Variants in YIPF5 observed in about 807,000 individuals in gnomAD.
YIPF5 encodes Yip1 domain family member 5, also known as protein YIPF5.
Under a neutral mutation model 30.4 loss-of-function variants are expected in YIPF5, and 8 were observed. The ratio of observed to expected loss-of-function variants is 0.26; its 90% CI spans 0.15 to 0.47. The LOEUF is 0.47. Ranked by LOEUF, YIPF5 falls within the 20% of genes least tolerant of loss-of-function variation. YIPF5 has a pLI of 0.99. For synonymous variants in YIPF5, 104 were observed against 107.9 expected (o/e 0.96, Z 0.23); for missense variants, 282 against 301.8 (o/e 0.93, Z 0.49).
intron 4 of YIPF5, among the ~76,000 whole-genome samples, chr5:144,162,929 C>T (rs1319531404): frequency 6.6e-6 from 1 of 152,056 alleles, no homozygotes; most frequent in Admixed American, 6.5e-5. Context: ...AACAGGAAGC[C>T]AGGGTTCTGT....
chr5:144,164,574 C>CTT (rs11327407), intron 3 of YIPF5, among the ~76,000 whole-genome samples: 21 of 144,108 alleles, frequency 1.5e-4, no homozygotes, highest in African/African-American at 5.3e-4. Context: ...TTCTTTCTTT[C>CTT]TTTTTTTTTT....
intron 2 of YIPF5, 50 bp downstream of exon 2, chr5:144,169,796 T>C (rs189475583): frequency 1.1e-5 from 16 of 1,442,190 alleles, no homozygotes; most frequent in Admixed American, 6.9e-5. Context: ...TCTAAATATG[T>C]GTTTTCACTG....
chr5:144,170,088 T>C, intron 1 of YIPF5, 123 bp from the exon 2 acceptor site: 3 of 708,940 alleles, frequency 4.2e-6, no homozygotes, highest in Non-Finnish European at 4.8e-6. Context: ...GGAGAGGGGA[T>C]GGGGGCGGAA....
At position 144,160,102 on chromosome 5, in the gene YIPF5, C is replaced by T. The variant is rs1751991756; in HGVS notation, c.*295G>A. 1 of 1,055,380 alleles carries T rather than the reference C, an allele frequency of 9.5e-7. No individual in the cohort carries two copies. Among genetic ancestry groups the T allele is most frequent in the Non-Finnish European group, 1.1e-6 (1 of 876,416 alleles). The allele number at this position is 1,055,380 out of a possible 1,614,324, so 65.4% of individuals were successfully genotyped here. On this transcript the variant is annotated 3_prime_UTR_variant, in exon 6 of 6. Coordinates refer to ENST00000274496, the MANE Select transcript of YIPF5 (RefSeq NM_030799.9). Reference sequence around the variant, plus strand: ...ACAGTTGATAAAAATCTATCAAAAACATTATAATTTGCAAGGAAAAAGGTT... The same window carrying T: ...ACAGTTGATAAAAATCTATCAAAAATATTATAATTTGCAAGGAAAAAGGTT...
intron 1 of YIPF5, chr5:144,170,281 C>T (rs1312768990): frequency 7.2e-6 from 2 of 276,026 alleles, no homozygotes; most frequent in Non-Finnish European, 1.4e-5. Flanking sequence ...GATGATTTTT[C>T]ACCTTAGGAC....
In YIPF5 at chr5:144,160,118, GA is replaced by G; in HGVS notation, c.*278del. 1.8e-6 allele frequency: 2 copies of G among 1,112,320 alleles called. No homozygotes were observed. The highest frequency in any genetic ancestry group is 4.9e-5 in the Admixed American group (1 of 20,562). 68.9% of individuals were successfully genotyped at this position (1,112,320 alleles called of 1,614,324 possible). A position where few individuals can be genotyped will look rare whatever the true frequency, so the allele number is the denominator to read the frequency against. ...TATCAAAAACATTATAATTTGCAAG[GA>G]AAAAGGTTTTTCAATGGCTGCAGGA... On this transcript the variant is annotated 3_prime_UTR_variant, in exon 6 of 6. Transcript: ENST00000274496.
chr5:144,165,661 A>C, intron 2 of YIPF5, 57 bp from the exon 3 acceptor site: 1 of 1,516,898 alleles, frequency 6.6e-7, no homozygotes, highest in Non-Finnish European at 8.9e-7. Context: ...TACAGTTAAT[A>C]TCCCTTAAAT....
At chr5:144,169,771 G>A (rs1270016268) in intron 2 of YIPF5, 75 bp downstream of exon 2, 1 of 1,255,384 alleles carries the variant, frequency 8.0e-7, no homozygotes, top group Non-Finnish European at 1.2e-6. Flanking sequence ...TATTGTTTTA[G>A]GCAGAACCAA....
At position 144,160,364 on chromosome 5, in the gene YIPF5, T is replaced by C. The variant is rs1459271187; in HGVS notation, c.*33A>G. The C allele has an allele frequency of 1.3e-6, 2 of 1,596,688 alleles. No individual in the cohort carries two copies. Among genetic ancestry groups the C allele is most frequent in the Non-Finnish European group, 8.6e-7 (1 of 1,169,078 alleles). Reference sequence around the variant, plus strand: ...GAGTTCAAGGTCCTTTTTGTACATCTGGCCCACTGATGTCCACATCCCAGA... The same window carrying C: ...GAGTTCAAGGTCCTTTTTGTACATCCGGCCCACTGATGTCCACATCCCAGA... On this transcript the variant is annotated 3_prime_UTR_variant, in exon 6 of 6. Coordinates refer to ENST00000274496, the MANE Select transcript of YIPF5 (RefSeq NM_030799.9).
At chr5:144,165,711 G>C in intron 2 of YIPF5, 107 bp from the exon 3 acceptor site, 1 of 1,185,080 alleles carries the variant, frequency 8.4e-7, no homozygotes, top group Non-Finnish European at 1.2e-6. Flanking sequence ...CCTTAGTTGT[G>C]AAATTCCTCA....
At position 144,160,341 on chromosome 5, in the gene YIPF5, G is replaced by C. The variant is rs868646877; in HGVS notation, c.*56C>G. 4 of 1,574,350 alleles carry C rather than the reference G, an allele frequency of 2.5e-6. No individual in the cohort carries two copies. In the Middle Eastern group the frequency reaches 6.8e-4, roughly 268 times the overall value. ...AGCAGTTTGCTGGTCCAATTTAAGA[G>C]TTCAAGGTCCTTTTTGTACATCTGG... On this transcript the variant is annotated 3_prime_UTR_variant, in exon 6 of 6. Coordinates refer to ENST00000274496, the MANE Select transcript of YIPF5 (RefSeq NM_030799.9).
chr5:144,163,861 T>A (rs1485950489), intron 4 of YIPF5: 1 of 317,988 alleles, frequency 3.1e-6, no homozygotes, highest in Non-Finnish European at 5.6e-6. Flanking sequence ...TGTTGTTTAC[T>A]ATTTTTTTTT....
At position 144,170,149 on chromosome 5, in the gene YIPF5, A is replaced by G. The variant is rs545965754; in HGVS notation, c.-10-184T>C. ...GCGGAGAGAGAGTAAGAAAATGTATATTCTTTTAAGTTGCGGCCCAGTAAG... is the reference window on the plus strand; with the variant it reads ...GCGGAGAGAGAGTAAGAAAATGTATGTTCTTTTAAGTTGCGGCCCAGTAAG... On this transcript the variant is annotated intron_variant, in intron 1 of 5. Transcript: ENST00000274496. 1.5e-4 allele frequency: 87 copies of G among 583,526 alleles called. 1 individual carries two copies. The highest frequency in any genetic ancestry group is 1.3e-3 in the African/African-American group (68 of 53,564). The allele number at this position is 583,526 out of a possible 1,614,324, so 36.1% of individuals were successfully genotyped here. A position where few individuals can be genotyped will look rare whatever the true frequency, so the allele number is the denominator to read the frequency against.
At chr5:144,163,967 A>G in intron 4 of YIPF5, 144 bp downstream of exon 4, 2 of 849,708 alleles carry the variant, frequency 2.4e-6, no homozygotes, top group Non-Finnish European at 3.5e-6. Flanking sequence ...ATGAATAGGT[A>G]TAAATACAAG....
At chr5:144,165,710 T>C (rs1283104986) in intron 2 of YIPF5, 106 bp from the exon 3 acceptor site, 4 of 1,209,286 alleles carry the variant, frequency 3.3e-6, no homozygotes, top group Non-Finnish European at 4.5e-6. Context: ...ACCTTAGTTG[T>C]GAAATTCCTC....
Position 144,158,502 on chromosome 5 carries a change from C to A in YIPF5, c.*1895G>T, listed in dbSNP as rs1242124560. 2 of 1,220,870 alleles carry A rather than the reference C, an allele frequency of 1.6e-6. No individual in the cohort carries two copies. Among genetic ancestry groups the A allele is most frequent in the South Asian group, 2.9e-5 (2 of 68,708 alleles). The allele number at this position is 1,220,870 out of a possible 1,614,324, so 75.6% of individuals were successfully genotyped here. A position where few individuals can be genotyped will look rare whatever the true frequency, so the allele number is the denominator to read the frequency against. On this transcript the variant is annotated 3_prime_UTR_variant, in exon 6 of 6. Transcript: ENST00000274496. ...TGAAGATTAACAGTGTTAAGTCTAACCAACAGCGAGATAATTTTAATTTCC... is the reference window on the plus strand; with the variant it reads ...TGAAGATTAACAGTGTTAAGTCTAAACAACAGCGAGATAATTTTAATTTCC...
Position 144,158,705 on chromosome 5 carries a change from T to A in YIPF5, c.*1692A>T. The A allele has an allele frequency of 2.0e-6, 2 of 1,017,274 alleles. No individual in the cohort carries two copies. Among genetic ancestry groups the A allele is most frequent in the South Asian group, 7.6e-5 (2 of 26,304 alleles). 63.0% of individuals were successfully genotyped at this position (1,017,274 alleles called of 1,614,324 possible). A position where few individuals can be genotyped will look rare whatever the true frequency, so the allele number is the denominator to read the frequency against. On this transcript the variant is annotated 3_prime_UTR_variant, in exon 6 of 6. Coordinates refer to ENST00000274496, the MANE Select transcript of YIPF5 (RefSeq NM_030799.9). The stretch of plus-strand genomic sequence containing the variant: ...ATCAAATTACCTTCCAAATTGCTTT[T>A]TTAAAGCAATTTGGTAAGTTTGAAA...
intron 3 of YIPF5, among the ~76,000 whole-genome samples, chr5:144,165,129 G>A (rs1752165882): frequency 6.6e-6 from 1 of 152,234 alleles, no homozygotes; most frequent in South Asian, 2.1e-4. Context: ...CAGAATAATG[G>A]ATAGCACACT....
chr5:144,169,896 A>G lies in YIPF5; in HGVS notation c.60T>C (p.Asp20=). 1 of 1,614,226 alleles carries G rather than the reference A, an allele frequency of 6.2e-7. No individual in the cohort carries two copies. Residue 20 remains aspartate, a synonymous_variant, in exon 2 of 6, where the codon GAT becomes GAC. Transcript: ENST00000274496. Reference sequence around the variant, plus strand: ...CATAATCATAGGACTGCTGTGACTGATCATCGATGCTGTAACTTGTCTGGT... The same window carrying G: ...CATAATCATAGGACTGCTGTGACTGGTCATCGATGCTGTAACTTGTCTGGT... ...DFYQTSYSID[D]QSQQSYDYGG...
Sources: gnomAD v4.1 joint callset for allele counts (sites outside exome capture counted in the v4.1 genomes callset) on GRCh38, gnomAD v4.1.1 for gene constraint, MANE v1.5 for transcripts, NCBI Gene and HGNC (gene_info 2026-07-23, HGNC 2026-07-21) for gene names.